The following JAKMIP2 variants were observed in gnomAD, a reference collection of about 807,000 sequenced individuals.
JAKMIP2 encodes the protein janus kinase and microtubule interacting protein 2.
Under a neutral mutation model 115.0 loss-of-function variants are expected in JAKMIP2, and 25 were observed. The observed-to-expected ratio is 0.22, with a 90% CI of 0.16 to 0.30. The LOEUF is 0.30. JAKMIP2 is among the 10% of genes least tolerant of loss of function. The pLI is 1.00. For synonymous variants in JAKMIP2, 334 were observed against 343.6 expected (o/e 0.97, Z 0.31); for missense variants, 642 against 957.6 (o/e 0.67, Z 4.35).
At chr5:147,674,186 A>G (rs926782631) in intron 1 of JAKMIP2, among the ~76,000 whole-genome samples, 24 of 152,170 alleles carry the variant, frequency 1.6e-4, no homozygotes, top group African/African-American at 5.3e-4. Flanking sequence ...CACATGTCCA[A>G]TTGTCCCAGA....
Position 147,750,102 on chromosome 5 carries a change from C to T in JAKMIP2, c.-149+32354G>A, listed in dbSNP as rs368840120. 4.6e-5 allele frequency among the ~76,000 whole-genome samples: 7 copies of T among 152,244 alleles called. No homozygotes were observed. In the South Asian group the frequency reaches 1.4e-3, roughly 32 times the overall value. On this transcript the variant is annotated intron_variant, in intron 1 of 21. Coordinates refer to ENST00000616793, the MANE Select transcript of JAKMIP2 (RefSeq NM_001270941.2). ...TGATTTTTAAAAAGTCAAATAATTA[C>T]AGAATAGCTCCTTATCATCCCAGCA...
chr5:147,621,634 A>G (rs1214863961), intron 17 of JAKMIP2, among the ~76,000 whole-genome samples: 1 of 152,206 alleles, frequency 6.6e-6, no homozygotes, highest in African/African-American at 2.4e-5. Context: ...TCATTTGGAA[A>G]GCTTTCTTGG....
intron 1 of JAKMIP2, among the ~76,000 whole-genome samples, chr5:147,723,775 C>G (rs1753409270): frequency 6.6e-6 from 1 of 152,138 alleles, no homozygotes; most frequent in Admixed American, 6.5e-5. Context: ...AGTACTCATT[C>G]TGTCTTATCC....
chr5:147,632,868 A>G (rs996890883), intron 12 of JAKMIP2, 90 bp from the exon 13 acceptor site: 43 of 767,548 alleles, frequency 5.6e-5, no homozygotes, highest in Non-Finnish European at 9.3e-5. Context: ...TACTCAGTGA[A>G]TAAGTCTTCC....
intron 1 of JAKMIP2, among the ~76,000 whole-genome samples, chr5:147,681,962 C>T (rs1227674513): frequency 6.6e-6 from 1 of 151,452 alleles, no homozygotes. Context: ...ATCACTTGAA[C>T]CTGGGAGGTC....
chr5:147,592,768 TC>T (rs898971267), intron 21 of JAKMIP2, among the ~76,000 whole-genome samples: 17 of 152,306 alleles, frequency 1.1e-4, no homozygotes, highest in African/African-American at 4.1e-4. Context: ...AAATGTTAAA[TC>T]CAAAGTTAAA....
chr5:147,705,696 CCTT>C (rs1415429569), intron 1 of JAKMIP2, among the ~76,000 whole-genome samples: 3 of 152,158 alleles, frequency 2.0e-5, no homozygotes, highest in Non-Finnish European at 2.9e-5. Context: ...AGTGCTCTGA[CCTT>C]CTATCCACAG....
At chr5:147,658,809 C>A (rs1303290381) in intron 3 of JAKMIP2, among the ~76,000 whole-genome samples, 1 of 152,106 alleles carries the variant, frequency 6.6e-6, no homozygotes, top group African/African-American at 2.4e-5. Flanking sequence ...CCAAAAATCT[C>A]CCAGTCGCCT....
intron 1 of JAKMIP2, among the ~76,000 whole-genome samples, chr5:147,744,674 CA>C (rs1452065560): frequency 1.3e-5 from 2 of 152,014 alleles, no homozygotes; most frequent in Non-Finnish European, 2.9e-5. Context: ...AAGATTGGTA[CA>C]AAAATATAAA....
chr5:147,648,232 G>T, intron 5 of JAKMIP2, 144 bp downstream of exon 5: 1 of 534,398 alleles, frequency 1.9e-6, no homozygotes, highest in Non-Finnish European at 3.3e-6. Flanking sequence ...TTTTTTGAGT[G>T]TGCCACTTTG....
intron 20 of JAKMIP2, among the ~76,000 whole-genome samples, chr5:147,611,226 G>A (rs560573080): frequency 2.1e-4 from 32 of 152,158 alleles, no homozygotes; most frequent in Non-Finnish European, 4.1e-4. Flanking sequence ...GGTGCCACTG[G>A]GGTATGAAAT....
At chr5:147,615,333 T>C (rs986810019) in intron 19 of JAKMIP2, among the ~76,000 whole-genome samples, 3 of 152,106 alleles carry the variant, frequency 2.0e-5, no homozygotes, top group Non-Finnish European at 4.4e-5. Context: ...CTTGGATCAA[T>C]GCAATGGAAA....
In JAKMIP2 at chr5:147,591,792, G is replaced by T. The variant is rs1010935079; in HGVS notation, c.*21-106C>A. On this transcript the variant is annotated intron_variant, in intron 21 of 21. Transcript: ENST00000616793. The stretch of plus-strand genomic sequence containing the variant: ...CACAAATTTTTTATTCTTTACCACT[G>T]CTTTGATGTGTATGATCTTATGCAA... 13 of 676,942 alleles carry T rather than the reference G, an allele frequency of 1.9e-5. No individual in the cohort carries two copies. The African/African-American group carries it at 2.2e-4, about 11-fold the overall frequency. 41.9% of individuals were successfully genotyped at this position (676,942 alleles called of 1,614,324 possible).
At chr5:147,775,492 G>T (rs969908672) in intron 1 of JAKMIP2, among the ~76,000 whole-genome samples, 21 of 152,040 alleles carry the variant, frequency 1.4e-4, no homozygotes, top group Non-Finnish European at 2.4e-4. Context: ...TTTCTGACTT[G>T]CAATTCAATT....
chr5:147,622,614 A>G (rs1406771858), intron 17 of JAKMIP2, among the ~76,000 whole-genome samples: 1 of 152,234 alleles, frequency 6.6e-6, no homozygotes, highest in Non-Finnish European at 1.5e-5. Context: ...ATAATATTCC[A>G]TGATATGTAT....
At position 147,585,724 on chromosome 5, in the gene JAKMIP2, T is replaced by A. The variant is rs1005382475; in HGVS notation, c.*5983A>T. 1 of 152,134 alleles carries A rather than the reference T, an allele frequency of 6.6e-6. No homozygotes were observed. The highest frequency in any genetic ancestry group is 1.5e-5 in the Non-Finnish European group (1 of 68,024). 9.4% of individuals were successfully genotyped at this position (152,134 alleles called of 1,614,324 possible). A position where few individuals can be genotyped will look rare whatever the true frequency, so the allele number is the denominator to read the frequency against. Reference sequence around the variant, plus strand: ...ATGAGATGGAAAGAAAGAACCCCAATTGAGGCAGTTGATTGAATGAAAGCT... The same window carrying A: ...ATGAGATGGAAAGAAAGAACCCCAAATGAGGCAGTTGATTGAATGAAAGCT... On this transcript the variant is annotated 3_prime_UTR_variant, in exon 22 of 22. Transcript: ENST00000616793.
chr5:147,638,536 A>C (rs1005460528), intron 10 of JAKMIP2, among the ~76,000 whole-genome samples: 4 of 152,088 alleles, frequency 2.6e-5, no homozygotes, highest in African/African-American at 9.7e-5. Flanking sequence ...TTTTTTAAAA[A>C]CCTGCTTATT....
At chr5:147,712,428 T>C (rs1752817931) in intron 1 of JAKMIP2, among the ~76,000 whole-genome samples, 1 of 152,228 alleles carries the variant, frequency 6.6e-6, no homozygotes. Flanking sequence ...AATTCTTGTT[T>C]CTATTTTTGT....
intron 2 of JAKMIP2, among the ~76,000 whole-genome samples, chr5:147,669,813 A>T (rs1759489015): frequency 6.6e-6 from 1 of 152,212 alleles, no homozygotes; most frequent in East Asian, 1.9e-4. Flanking sequence ...GTCCATCAGA[A>T]TTGCCAGGGC....
Sources: gnomAD v4.1 joint callset for allele counts (sites outside exome capture counted in the v4.1 genomes callset) on GRCh38, gnomAD v4.1.1 for gene constraint, MANE v1.5 for transcripts, NCBI Gene and HGNC (gene_info 2026-07-23, HGNC 2026-07-21) for gene names.